COL26A1: variants seen among roughly 807,000 people sequenced by gnomAD.
The protein encoded by COL26A1 is collagen alpha-1(XXVI) chain.
Under a neutral mutation model 59.3 loss-of-function variants are expected in COL26A1, and 41 were observed. The ratio of observed to expected loss-of-function variants is 0.69; its 90% CI spans 0.54 to 0.90. The LOEUF (loss-of-function observed/expected upper bound fraction) is 0.90. Ranked by LOEUF, COL26A1 falls within the 40% of genes least tolerant of loss-of-function variation. The pLI, the probability that COL26A1 is intolerant of heterozygous loss-of-function variation, is 0.00. For missense variants in COL26A1, 612 were observed against 602.3 expected (o/e 1.02, Z -0.17); for synonymous variants, 266 against 256.0 (o/e 1.04, Z -0.37).
chr7:101,437,918 G>T (rs1255325076), intron 2 of COL26A1, among the ~76,000 whole-genome samples: 1 of 151,886 alleles, frequency 6.6e-6, no homozygotes, highest in Non-Finnish European at 1.5e-5. Flanking sequence ...TTGCTATGTT[G>T]CTCAGGTTGG....
intron 1 of COL26A1, among the ~76,000 whole-genome samples, chr7:101,364,661 C>T (rs529295713): frequency 6.6e-5 from 10 of 152,024 alleles, no homozygotes; most frequent in African/African-American, 2.4e-4. Context: ...ACCTGATCTC[C>T]CAGGCTCAAG....
intron 3 of COL26A1, among the ~76,000 whole-genome samples, chr7:101,475,856 CTTTT>C (rs1794026764): frequency 7.5e-6 from 1 of 133,144 alleles, no homozygotes; most frequent in Non-Finnish European, 1.7e-5. Context: ...TTCTCTCTCT[CTTTT>C]TCTCTCTCTT....
chr7:101,400,465 G>A (rs920181211), intron 1 of COL26A1, among the ~76,000 whole-genome samples: 7 of 146,920 alleles, frequency 4.8e-5, no homozygotes, highest in South Asian at 2.2e-4. Flanking sequence ...GGATTCAAGT[G>A]ATTGTCCTGC....
chr7:101,381,828 A>G (rs1019450403), intron 1 of COL26A1, among the ~76,000 whole-genome samples: 1 of 152,108 alleles, frequency 6.6e-6, no homozygotes, highest in Non-Finnish European at 1.5e-5. Flanking sequence ...TAGAAAGAGG[A>G]CGTCCCTGGG....
rs535065645 is a variant in COL26A1, at chr7:101,503,086, C to T, written c.386-29996C>T. 3.9e-5 allele frequency among the ~76,000 whole-genome samples: 6 copies of T among 152,274 alleles called. No homozygotes were observed. The East Asian group carries it at 5.8e-4, about 15-fold the overall frequency. On this transcript the variant is annotated intron_variant, in intron 3 of 12. Coordinates refer to ENST00000313669, the MANE Select transcript of COL26A1 (RefSeq NM_001278563.3). ...AAGAATAGAGCCTGGGCCTCATATA[C>T]GCAGTTACTCCTGTTACATGCCTTT...
At chr7:101,494,156 CAG>C (rs1408672615) in intron 3 of COL26A1, among the ~76,000 whole-genome samples, 18 of 119,852 alleles carry the variant, frequency 1.5e-4, no homozygotes, top group African/African-American at 5.3e-4. Context: ...TTGTTTGAGA[CAG>C]AGTCTCTCTG....
intron 3 of COL26A1, among the ~76,000 whole-genome samples, chr7:101,509,966 G>A (rs1794888107): frequency 6.6e-6 from 1 of 150,918 alleles, no homozygotes; most frequent in African/African-American, 2.5e-5. Context: ...GACCTCAGGT[G>A]ATCTGCCAAT....
At chr7:101,504,781 G>C (rs1393004591) in intron 3 of COL26A1, among the ~76,000 whole-genome samples, 1 of 152,238 alleles carries the variant, frequency 6.6e-6, no homozygotes, top group Non-Finnish European at 1.5e-5. Context: ...AAAGGCCAGA[G>C]CCTGGACTCT....
chr7:101,498,807 C>G (rs779889547), intron 3 of COL26A1, among the ~76,000 whole-genome samples: 1 of 152,086 alleles, frequency 6.6e-6, no homozygotes, highest in Non-Finnish European at 1.5e-5. Context: ...TGTTGGGAGA[C>G]GCAGGCTGGA....
At chr7:101,406,490 CAG>C (rs1282634154) in intron 1 of COL26A1, among the ~76,000 whole-genome samples, 3 of 152,148 alleles carry the variant, frequency 2.0e-5, no homozygotes, top group African/African-American at 7.2e-5. Flanking sequence ...CGATGGCAGA[CAG>C]ATGATGGAGA....
At position 101,540,050 on chromosome 7, in the gene COL26A1, G is replaced by T; in HGVS notation, c.604+1G>T. 1 of 1,611,082 alleles carries T rather than the reference G, an allele frequency of 6.2e-7. No individual in the cohort carries two copies. Among genetic ancestry groups the T allele is most frequent in the Non-Finnish European group, 8.5e-7 (1 of 1,178,964 alleles). On this transcript the variant is annotated splice_donor_variant, in intron 5 of 12. Transcript: ENST00000313669. LOFTEE classifies it high-confidence loss of function. ...CAGAGAAGGCCCACGGGCCCAGCCG[G>T]TGAGTGAGGGCTGCAGAGAGGACAG... is the stretch of plus-strand genomic sequence containing the variant.
At chr7:101,451,999 G>A (rs1318981302) in intron 3 of COL26A1, among the ~76,000 whole-genome samples, 1 of 152,200 alleles carries the variant, frequency 6.6e-6, no homozygotes, top group South Asian at 2.1e-4. Flanking sequence ...GAGCCACCGC[G>A]CACAGCCAAA....
At chr7:101,393,964 G>C (rs926336205) in intron 1 of COL26A1, among the ~76,000 whole-genome samples, 6 of 151,486 alleles carry the variant, frequency 4.0e-5, no homozygotes, top group Non-Finnish European at 7.4e-5. Flanking sequence ...TTTTTTTAGA[G>C]ATGGGATCTT....
At chr7:101,402,333 G>C (rs754707475) in intron 1 of COL26A1, among the ~76,000 whole-genome samples, 10 of 152,060 alleles carry the variant, frequency 6.6e-5, no homozygotes, top group African/African-American at 9.7e-5. Flanking sequence ...CAGCCTCCCC[G>C]CTGATTGCAG....
At chr7:101,491,175 A>AT (rs1794452391) in intron 3 of COL26A1, among the ~76,000 whole-genome samples, 1 of 151,982 alleles carries the variant, frequency 6.6e-6, no homozygotes, top group African/African-American at 2.4e-5. Context: ...CCTGCACGGC[A>AT]TGGTCAGCTG....
chr7:101,398,541 G>A (rs528797097), intron 1 of COL26A1, among the ~76,000 whole-genome samples: 38 of 152,296 alleles, frequency 2.5e-4, no homozygotes, highest in Non-Finnish European at 4.3e-4. Flanking sequence ...AACCCAAGCA[G>A]CCTCTAAGAT....
chr7:101,522,625 A>G (rs60229468), intron 3 of COL26A1, among the ~76,000 whole-genome samples: 3,068 of 152,210 alleles, frequency 0.02, 108 homozygotes, highest in African/African-American at 0.069. Flanking sequence ...GCTGAAGTTT[A>G]TTATATCCTG....
chr7:101,415,298 G>A (rs1317418242), intron 1 of COL26A1, among the ~76,000 whole-genome samples: 4 of 151,698 alleles, frequency 2.6e-5, no homozygotes, highest in Admixed American at 6.6e-5. Context: ...GATTACAGGC[G>A]CCCTCCACCA....
At chr7:101,473,384 A>G (rs756425578) in intron 3 of COL26A1, among the ~76,000 whole-genome samples, 1 of 152,008 alleles carries the variant, frequency 6.6e-6, no homozygotes, top group East Asian at 1.9e-4. Context: ...CCTGGGTTGC[A>G]TGTTTTGCTG....
Sources: allele counts gnomAD v4.1 joint callset (sites outside exome capture counted in the v4.1 genomes callset), GRCh38; gene constraint gnomAD v4.1.1; transcripts MANE v1.5; gene names NCBI Gene and HGNC (gene_info 2026-07-23, HGNC 2026-07-21).